The following ZNF658 variants were observed in gnomAD, a reference collection of about 807,000 sequenced individuals.
ZNF658 encodes the protein zinc finger protein 658.
Under a neutral mutation model 78.0 loss-of-function variants are expected in ZNF658, and 46 were observed. The ratio of observed to expected loss-of-function variants is 0.59; its 90% CI spans 0.47 to 0.75. The LOEUF is 0.75. ZNF658 is among the 30% of genes least tolerant of loss of function. The pLI, the probability that ZNF658 is intolerant of heterozygous loss-of-function variation, is 0.00. For synonymous variants in ZNF658, 279 were observed against 408.4 expected (o/e 0.68, Z 3.82); for missense variants, 785 against 1,189.3 (o/e 0.66, Z 5.00).
chr9:66,914,379 A>C (rs1181800028), intron 4 of ZNF658, among the ~76,000 whole-genome samples: 1 of 152,020 alleles, frequency 6.6e-6, no homozygotes, highest in Non-Finnish European at 1.5e-5. Flanking sequence ...AAAAACACTT[A>C]TTAGTTCAAG....
downstream of ZNF658, among the ~76,000 whole-genome samples, chr9:66,925,622 T>A (rs907098088): frequency 2.0e-5 from 3 of 151,996 alleles, no homozygotes; most frequent in Non-Finnish European, 4.4e-5. Flanking sequence ...AAGCAAAGCC[T>A]CCGACCTGAT....
chr9:66,901,398 T>TG (rs1159856479), intron 1 of ZNF658, among the ~76,000 whole-genome samples: 5 of 151,994 alleles, frequency 3.3e-5, no homozygotes, highest in African/African-American at 1.2e-4. Context: ...AACCCAGACT[T>TG]GCCAGTACCT....
In ZNF658 at chr9:66,918,597, A is replaced by G. The variant is rs375337684; in HGVS notation, c.1031A>G (p.Gln344Arg). ...FSQSSAHIVH[Q>R]KTQAGDKFGE... ...CAGAGCTCAGCCCATATAGTACATCAGAAAACACAAGCTGGAGATAAATTT... is the reference window on the plus strand; with the variant it reads ...CAGAGCTCAGCCCATATAGTACATCGGAAAACACAAGCTGGAGATAAATTT... Residue 344 changes from glutamine to arginine, a missense_variant, in exon 5 of 5, where the codon CAG becomes CGG. Transcript: ENST00000621410. The G allele has an allele frequency of 2.5e-5, 40 of 1,610,488 alleles. No homozygotes were observed. In the African/African-American group the frequency reaches 5.2e-4, roughly 21 times the overall value.
chr9:66,921,685 T>C (rs1232383973), downstream of ZNF658, among the ~76,000 whole-genome samples: 1 of 151,864 alleles, frequency 6.6e-6, no homozygotes, highest in Non-Finnish European at 1.5e-5. Flanking sequence ...GAATGGCAAA[T>C]GTTGCTGCCT....
chr9:66,921,907 A>G (rs1231080587), downstream of ZNF658, among the ~76,000 whole-genome samples: 2 of 145,342 alleles, frequency 1.4e-5, no homozygotes, highest in African/African-American at 5.1e-5. Context: ...AGTCTGCAGA[A>G]GTTTCTGCTG....
chr9:66,920,711 A>G lies in ZNF658; in HGVS notation c.3145A>G (p.Lys1049Glu). ...VHHTRMHTRE[K>E]TLACNGFGKS ...TCACACCAGAATGCATACCAGAGAGAAAACCCTAGCATGTAATGGATTTGG... is the reference window on the plus strand; with the variant it reads ...TCACACCAGAATGCATACCAGAGAGGAAACCCTAGCATGTAATGGATTTGG... The change falls in exon 5 of 5, where the codon AAA becomes GAA. Residue 1049 changes from lysine to glutamate, a missense_variant. Lys to Glu is a moderately conservative substitution (Grantham distance 56). This residue lies in a region of ZNF658 where 24 missense variants were observed against 104.8 expected (regional missense o/e 0.23). Coordinates refer to ENST00000621410, the MANE Select transcript of ZNF658 (RefSeq NM_033160.7). 8.2e-7 allele frequency: 1 copy of G among 1,213,396 alleles called. No individual in the cohort carries two copies. The highest frequency in any genetic ancestry group is 1.2e-5 in the South Asian group (1 of 80,900). The allele number at this position is 1,213,396 out of a possible 1,614,324, so 75.2% of individuals were successfully genotyped here.
At chr9:66,905,941 T>C (rs1822070438) in intron 2 of ZNF658, among the ~76,000 whole-genome samples, 1 of 149,786 alleles carries the variant, frequency 6.7e-6, no homozygotes, top group Non-Finnish European at 1.5e-5. Flanking sequence ...ACTTGTTGTT[T>C]CTTTTCTTGT....
At chr9:66,909,824 A>C (rs932452961) in intron 4 of ZNF658, among the ~76,000 whole-genome samples, 2 of 152,214 alleles carry the variant, frequency 1.3e-5, no homozygotes, top group African/African-American at 4.8e-5. Context: ...AGCTAGGGCT[A>C]TCATAATAAA....
chr9:66,902,255 A>G (rs1246972088), intron 1 of ZNF658, among the ~76,000 whole-genome samples: 14 of 147,138 alleles, frequency 9.5e-5, no homozygotes, highest in South Asian at 2.2e-4. Context: ...AGGGAGTCCT[A>G]GGGACTACTG....
At chr9:66,927,133 C>T (rs1311039880) in intron 6 of ZNF658, among the ~76,000 whole-genome samples, 1 of 152,040 alleles carries the variant, frequency 6.6e-6, no homozygotes, top group Non-Finnish European at 1.5e-5. Flanking sequence ...GATTAATTTC[C>T]AAAATACGTC....
chr9:66,902,884 A>AT (rs1446483978), intron 1 of ZNF658: 1 of 151,808 alleles, frequency 6.6e-6, no homozygotes, highest in Non-Finnish European at 1.5e-5. Flanking sequence ...AAATTTATTT[A>AT]TTTTTTATTT....
Position 66,918,216 on chromosome 9 carries a change from G to A in ZNF658, c.650G>A (p.Cys217Tyr), listed in dbSNP as rs773224994. 39 of 1,605,304 alleles carry A rather than the reference G, an allele frequency of 2.4e-5. No individual in the cohort carries two copies. The South Asian group carries it at 2.8e-4, about 12-fold the overall frequency. The change falls in exon 5 of 5, where the codon TGT becomes TAT. Residue 217 changes from cysteine (C) to tyrosine (Y), a missense_variant. Cys to Tyr is a radical substitution (Grantham distance 194, BLOSUM62 -2). Around this residue, in one of 12 missense-constraint regions of ZNF658, gnomAD observed 393 missense variants for 400.2 expected, o/e 0.98. Coordinates refer to ENST00000621410, the MANE Select transcript of ZNF658 (RefSeq NM_033160.7). ...CAAACTTTGGAGGAATCTTTTGAAT[G>A]TGATGGATCTGGACAAGGTTTATAT... is the stretch of plus-strand genomic sequence containing the variant. Reference protein sequence around the residue: ...KFQTLEESFECDGSGQGLYDK... With the variant: ...KFQTLEESFEYDGSGQGLYDK...
At position 66,920,885 on chromosome 9, in the gene ZNF658, G is replaced by A. The variant is rs890107049; in HGVS notation, c.*139G>A. ...ATCCCAATATGCCGTTTATTCAGGT[G>A]GGGCTGACCATGGGATGTGGTGCTA... On this transcript the variant is annotated 3_prime_UTR_variant, in exon 5 of 5. Coordinates refer to ENST00000621410, the MANE Select transcript of ZNF658 (RefSeq NM_033160.7). 22 of 747,848 alleles carry A rather than the reference G, an allele frequency of 2.9e-5. No homozygotes were observed. The Admixed American group carries it at 3.0e-4, about 10-fold the overall frequency. 46.3% of individuals were successfully genotyped at this position (747,848 alleles called of 1,614,324 possible). A position where few individuals can be genotyped will look rare whatever the true frequency, so the allele number is the denominator to read the frequency against.
downstream of ZNF658, among the ~76,000 whole-genome samples, chr9:66,922,331 C>T (rs973781491): frequency 6.6e-6 from 1 of 152,098 alleles, no homozygotes; most frequent in African/African-American, 2.4e-5. Context: ...TGCTTTGGCT[C>T]ATGCTCCATG....
Position 66,919,651 on chromosome 9 carries a change from T to C in ZNF658, c.2085T>C (p.Phe695=). The change falls in exon 5 of 5, where the codon TTT becomes TTC. Residue 695 remains phenylalanine (F), a synonymous_variant. Coordinates refer to ENST00000621410, the MANE Select transcript of ZNF658 (RefSeq NM_033160.7). ...AATGTAGTGACTGTGAGAAAACTTT[T>C]GCCCATAATTCAGCCCTCAAAATAC... ...PYECSDCEKT[F]AHNSALKIHQ... 4.3e-6 allele frequency: 7 copies of C among 1,611,080 alleles called. No individual in the cohort carries two copies. Among genetic ancestry groups the C allele is most frequent in the Non-Finnish European group, 5.9e-6 (7 of 1,179,528 alleles).
At chr9:66,906,677 G>T (rs1030467050) in intron 2 of ZNF658, among the ~76,000 whole-genome samples, 1 of 151,798 alleles carries the variant, frequency 6.6e-6, no homozygotes, top group Non-Finnish European at 1.5e-5. Flanking sequence ...GACCCAGTCT[G>T]CCTCATCCAG....
Position 66,908,244 on chromosome 9 carries a change from G to C in ZNF658, c.22G>C (p.Val8Leu). The C allele has an allele frequency of 6.2e-7, 1 of 1,614,028 alleles. No individual in the cohort carries two copies. Among genetic ancestry groups the C allele is most frequent in the Non-Finnish European group, 8.5e-7 (1 of 1,179,972 alleles). Reference protein sequence around the residue: MNMSQASVSFQDVTVEFT... With the variant: MNMSQASLSFQDVTVEFT... ...GTGATAAATGTTGTTACAGGCATCA[G>C]TGTCATTCCAGGACGTGACTGTGGA... The change falls in exon 3 of 5, where the codon GTG becomes CTG. Residue 8 changes from valine (V) to leucine (L), a missense_variant. Transcript: ENST00000621410.
intron 4 of ZNF658, among the ~76,000 whole-genome samples, chr9:66,913,475 G>T: frequency 6.6e-6 from 1 of 151,976 alleles, no homozygotes; most frequent in East Asian, 1.9e-4. Context: ...CCCCCAGGGG[G>T]TCAGATCAGT....
At chr9:66,915,053 GCACACACACACACACACACACA>G (rs10608839) in intron 4 of ZNF658, among the ~76,000 whole-genome samples, 2 of 144,012 alleles carry the variant, frequency 1.4e-5, no homozygotes, top group African/African-American at 5.2e-5. Flanking sequence ...CTTTGGAATT[GCACACACACACACACACACACA>G]CACACACACA....
Sources: allele counts gnomAD v4.1 joint callset (sites outside exome capture counted in the v4.1 genomes callset), GRCh38; gene constraint gnomAD v4.1.1; regional missense constraint gnomAD v4.1.1; transcripts MANE v1.5; gene names NCBI Gene and HGNC (gene_info 2026-07-23, HGNC 2026-07-21).